The following WWC2 variants were observed in gnomAD, a reference collection of about 807,000 sequenced individuals.
WWC2 encodes the protein protein WWC2.
WWC2 carries 101 observed loss-of-function variants against 138.5 expected under a neutral mutation model. The ratio of observed to expected loss-of-function variants is 0.73; its 90% CI spans 0.62 to 0.86. The LOEUF is 0.86. Ranked by LOEUF, WWC2 falls within the 40% of genes least tolerant of loss-of-function variation. The pLI is 0.00. For missense variants in WWC2, 1,420 were observed against 1,419.4 expected (o/e 1.00, Z -0.01); for synonymous variants, 558 against 538.4 (o/e 1.04, Z -0.50).
intron 4 of WWC2, among the ~76,000 whole-genome samples, chr4:183,230,528 T>C (rs1479812068): frequency 2.6e-5 from 4 of 152,052 alleles, no homozygotes; most frequent in South Asian, 2.1e-4. Flanking sequence ...AATACAAAAG[T>C]CAGTCAGGCG....
intron 1 of WWC2, among the ~76,000 whole-genome samples, chr4:183,167,606 G>GAATC (rs1251670612): frequency 6.6e-6 from 1 of 152,170 alleles, no homozygotes; most frequent in African/African-American, 2.4e-5. Flanking sequence ...CTAGCTTTGA[G>GAATC]AATCAGGTAA....
In WWC2 at chr4:183,186,041, G is replaced by A. The variant is rs139030192; in HGVS notation, c.132-7558G>A. On this transcript the variant is annotated intron_variant, in intron 1 of 22. Coordinates refer to ENST00000403733, the MANE Select transcript of WWC2 (RefSeq NM_024949.6). ...CGGCTCACTGCAAGCTCCATCTCCCGGGTTCACGCCATTCTCCCACCTCAG... is the reference window on the plus strand; with the variant it reads ...CGGCTCACTGCAAGCTCCATCTCCCAGGTTCACGCCATTCTCCCACCTCAG... 9.0e-3 allele frequency among the ~76,000 whole-genome samples: 1,330 copies of A among 148,546 alleles called. 60 individuals carry two copies. The highest frequency in any genetic ancestry group is 0.068 in the Admixed American group (998 of 14,738).
At position 183,269,129 on chromosome 4, in the gene WWC2, G is replaced by A. The variant is rs778488304; in HGVS notation, c.2366G>A (p.Cys789Tyr). Residue 789 changes from cysteine to tyrosine, a missense_variant, in exon 15 of 23, where the codon TGC becomes TAC. By Grantham distance (194) the Cys-to-Tyr change is radical. Transcript: ENST00000403733. ...LQQKTLRVDL[C>Y]SVSKHRREEC... ...CAGAAGACACTGAGGGTAGACCTTT[G>A]CTCTGTCAGTAAACACCGAAGGGAA... is the stretch of plus-strand genomic sequence containing the variant. The A allele has an allele frequency of 6.2e-7, 1 of 1,613,070 alleles. No individual in the cohort carries two copies. The highest frequency in any genetic ancestry group is 8.5e-7 in the Non-Finnish European group (1 of 1,179,686).
In WWC2 at chr4:183,300,028, G is replaced by A. The variant is rs763253439; in HGVS notation, c.3384+10393G>A. 2.3e-4 allele frequency among the ~76,000 whole-genome samples: 35 copies of A among 152,254 alleles called. 1 individual carries two copies. Among genetic ancestry groups the A allele is most frequent in the Non-Finnish European group, 4.3e-4 (29 of 68,024 alleles). ...AAAGAGAATCTTATTTGGTGTCCTC[G>A]TGTATTGTAAAACCCCCTCAGGAAG... On this transcript the variant is annotated intron_variant, in intron 21 of 22. Transcript: ENST00000403733.
intron 1 of WWC2, among the ~76,000 whole-genome samples, chr4:183,161,049 T>C (rs1733949328): frequency 6.6e-6 from 1 of 151,620 alleles, no homozygotes; most frequent in South Asian, 2.1e-4. Context: ...AAAAAAAAAA[T>C]CATGAAACAG....
chr4:183,137,062 G>A (rs571903452), intron 1 of WWC2, among the ~76,000 whole-genome samples: 1 of 152,258 alleles, frequency 6.6e-6, no homozygotes, highest in African/African-American at 2.4e-5. Flanking sequence ...CATGAATGGA[G>A]CTTGCAGGAC....
rs1414743080 is a variant in WWC2, at chr4:183,256,889, C to G, written c.1197-2750C>G. Among the ~76,000 whole-genome samples the G allele has an allele frequency of 1.4e-3, 25 of 18,460 alleles. 1 individual carries two copies. The East Asian group carries it at 0.046, about 34-fold the overall frequency. The allele number at this position is 18,460 out of a possible 152,430, so 12.1% of individuals were successfully genotyped here. A position where few individuals can be genotyped will look rare whatever the true frequency, so the allele number is the denominator to read the frequency against. On this transcript the variant is annotated intron_variant, in intron 9 of 22. Coordinates refer to ENST00000403733, the MANE Select transcript of WWC2 (RefSeq NM_024949.6). ...TCTCTGAGTGTGATCCTACAGCCCC[C>G]CCCCCCCCCCCCCCGGCTCTGTTCC...
At chr4:183,148,479 A>G (rs1334327931) in intron 1 of WWC2, among the ~76,000 whole-genome samples, 2 of 152,166 alleles carry the variant, frequency 1.3e-5, no homozygotes, top group African/African-American at 2.4e-5. Context: ...TTGTTAAGCT[A>G]TCTTAATGTT....
intron 11 of WWC2, among the ~76,000 whole-genome samples, chr4:183,262,503 A>G (rs1737359890): frequency 6.6e-6 from 1 of 152,244 alleles, no homozygotes; most frequent in African/African-American, 2.4e-5. Flanking sequence ...ATATGTAAAG[A>G]CATTGACAAA....
intron 2 of WWC2, among the ~76,000 whole-genome samples, chr4:183,204,304 G>C (rs182735076): frequency 4.6e-5 from 7 of 152,154 alleles, no homozygotes; most frequent in Non-Finnish European, 2.9e-5. Context: ...AGAAAGACCC[G>C]AGAATACCAG....
At chr4:183,103,638 CTT>C (rs576659490) in intron 1 of WWC2, among the ~76,000 whole-genome samples, 22 of 120,266 alleles carry the variant, frequency 1.8e-4, no homozygotes, top group African/African-American at 3.7e-4. Flanking sequence ...TTGTGTTTCT[CTT>C]TTTTTTTTTT....
chr4:183,282,629 A>C, intron 17 of WWC2, 79 bp from the exon 18 acceptor site: 10 of 1,383,684 alleles, frequency 7.2e-6, no homozygotes, highest in East Asian at 2.5e-5. Flanking sequence ...TTTCCCAGAT[A>C]ACAACTTAGC....
At chr4:183,168,073 G>T (rs373524541) in intron 1 of WWC2, among the ~76,000 whole-genome samples, 1 of 151,828 alleles carries the variant, frequency 6.6e-6, no homozygotes. Context: ...GGCCAGGATG[G>T]TCTCCATCTC....
intron 4 of WWC2, among the ~76,000 whole-genome samples, chr4:183,228,555 T>G (rs934132515): frequency 6.6e-6 from 1 of 152,150 alleles, no homozygotes; most frequent in Non-Finnish European, 1.5e-5. Flanking sequence ...TTTCAATATA[T>G]TTCAAAGTAT....
intron 21 of WWC2, among the ~76,000 whole-genome samples, chr4:183,291,470 C>G (rs550376442): frequency 1.1e-4 from 16 of 152,324 alleles, no homozygotes; most frequent in Admixed American, 5.9e-4. Flanking sequence ...GAGTTTTTAA[C>G]TCAACATTAC....
intron 5 of WWC2, among the ~76,000 whole-genome samples, chr4:183,244,654 A>G (rs1736717870): frequency 2.0e-5 from 3 of 152,130 alleles, no homozygotes; most frequent in Admixed American, 2.0e-4. Flanking sequence ...AGTATAAATA[A>G]TAATTTACTT....
At chr4:183,144,993 G>A (rs554203142) in intron 1 of WWC2, among the ~76,000 whole-genome samples, 17 of 152,338 alleles carry the variant, frequency 1.1e-4, no homozygotes, top group African/African-American at 2.4e-4. Flanking sequence ...GAGTATAGCC[G>A]TAGGCGAGAT....
chr4:183,247,789 T>A (rs1736847794), intron 6 of WWC2, among the ~76,000 whole-genome samples: 1 of 138,022 alleles, frequency 7.2e-6, no homozygotes, highest in Non-Finnish European at 1.6e-5. Flanking sequence ...ATATATATTA[T>A]ATATATAGTA....
At chr4:183,124,282 C>T (rs553581087) in intron 1 of WWC2, among the ~76,000 whole-genome samples, 1 of 151,774 alleles carries the variant, frequency 6.6e-6, no homozygotes, top group South Asian at 2.1e-4. Flanking sequence ...CAGGATAATC[C>T]TTTAATATTA....
Sources: gnomAD v4.1 joint callset for allele counts (sites outside exome capture counted in the v4.1 genomes callset) on GRCh38, gnomAD v4.1.1 for gene constraint, MANE v1.5 for transcripts, NCBI Gene and HGNC (gene_info 2026-07-23, HGNC 2026-07-21) for gene names.